The following ROBO1 variants were observed in gnomAD, a reference collection of about 807,000 sequenced individuals.
The protein encoded by ROBO1 is roundabout guidance receptor 1.
ROBO1 carries 149 observed loss-of-function variants against 195.9 expected under a neutral mutation model. That is an observed-to-expected ratio of 0.76 (90% confidence interval 0.67 to 0.87). ROBO1 has a LOEUF of 0.87. Among genes scored for constraint, ROBO1 ranks in the 40% least tolerant of loss-of-function variants. ROBO1 has a pLI of 0.00. For missense variants in ROBO1, 1,933 were observed against 2,068.3 expected, an observed-to-expected ratio of 0.93 and a Z score of 1.27; for synonymous variants, 816 against 733.2, an observed-to-expected ratio of 1.11 and a Z score of -1.82.
At chr3:79,213,152 G>C (rs2081996098) in intron 2 of ROBO1, among the ~76,000 whole-genome samples, 1 of 151,860 alleles carries the variant, frequency 6.6e-6, no homozygotes, top group Non-Finnish European at 1.5e-5. Flanking sequence ...GCTGAGGCAG[G>C]AGGAATCACT....
chr3:79,352,461 C>T (rs1037809860), intron 2 of ROBO1, among the ~76,000 whole-genome samples: 7 of 152,104 alleles, frequency 4.6e-5, no homozygotes, highest in South Asian at 2.1e-4. Context: ...GGCTTAACAC[C>T]GTCAACTAGA....
At chr3:79,646,233 T>TA (rs886753601) in intron 1 of ROBO1, among the ~76,000 whole-genome samples, 21 of 152,036 alleles carry the variant, frequency 1.4e-4, no homozygotes, top group South Asian at 4.2e-4. Flanking sequence ...ATAATTTGAT[T>TA]AAAAAAATGG....
At chr3:79,495,277 A>G (rs948481960) in intron 2 of ROBO1, among the ~76,000 whole-genome samples, 1 of 152,188 alleles carries the variant, frequency 6.6e-6, no homozygotes, top group Non-Finnish European at 1.5e-5. Flanking sequence ...ACAATCACAT[A>G]AAGAGGGGCG....
At chr3:79,018,700 G>A (rs1441327031) in intron 3 of ROBO1, 4 of 1,345,844 alleles carry the variant, frequency 3.0e-6, no homozygotes, top group Non-Finnish European at 3.8e-6. Flanking sequence ...GGATTTCCGA[G>A]GAGGCTCAGA....
At chr3:79,355,430 C>T (rs2035511720) in intron 2 of ROBO1, among the ~76,000 whole-genome samples, 1 of 152,040 alleles carries the variant, frequency 6.6e-6, no homozygotes, top group Admixed American at 6.6e-5. Flanking sequence ...ATTCAAAAAC[C>T]TCTCTTCTAG....
At chr3:79,453,175 G>A (rs2039503305) in intron 2 of ROBO1, among the ~76,000 whole-genome samples, 1 of 152,002 alleles carries the variant, frequency 6.6e-6, no homozygotes, top group African/African-American at 2.4e-5. Flanking sequence ...CAAGACTTCA[G>A]TGAATAGAGG....
At chr3:79,033,951 A>G (rs1335895517) in intron 3 of ROBO1, among the ~76,000 whole-genome samples, 1 of 152,136 alleles carries the variant, frequency 6.6e-6, no homozygotes, top group East Asian at 1.9e-4. Flanking sequence ...AATCAGGAGC[A>G]TAATTTTTCA....
intron 2 of ROBO1, among the ~76,000 whole-genome samples, chr3:79,159,298 G>A (rs2080913384): frequency 6.6e-6 from 1 of 151,876 alleles, no homozygotes; most frequent in Non-Finnish European, 1.5e-5. Flanking sequence ...TTTCCAAAGG[G>A]TAAATTATTA....
intron 2 of ROBO1, among the ~76,000 whole-genome samples, chr3:79,139,406 GA>G (rs1244554288): frequency 2.0e-5 from 3 of 152,184 alleles, no homozygotes; most frequent in South Asian, 2.1e-4. Flanking sequence ...TCTCCTAGTG[GA>G]AACACTGACA....
chr3:78,770,158 C>T (rs1373779655), intron 4 of ROBO1, among the ~76,000 whole-genome samples: 2 of 152,098 alleles, frequency 1.3e-5, no homozygotes, highest in Non-Finnish European at 2.9e-5. Flanking sequence ...CTCGATTATT[C>T]CCCCAAATAT....
chr3:79,067,262 G>T (rs184509112), intron 3 of ROBO1, among the ~76,000 whole-genome samples: 169 of 152,014 alleles, frequency 1.1e-3, no homozygotes, highest in Non-Finnish European at 2.0e-3. Context: ...CTTAATGAGG[G>T]TTAAACTCAT....
chr3:79,174,064 T>C (rs1374600881), intron 2 of ROBO1, among the ~76,000 whole-genome samples: 1 of 152,054 alleles, frequency 6.6e-6, no homozygotes, highest in African/African-American at 2.4e-5. Flanking sequence ...ATCAGCAGGA[T>C]GTGGGTGGTG....
intron 4 of ROBO1, among the ~76,000 whole-genome samples, chr3:78,888,993 T>C (rs1054689408): frequency 6.6e-6 from 1 of 152,210 alleles, no homozygotes; most frequent in Non-Finnish European, 1.5e-5. Context: ...TACAGTTCTC[T>C]TTTAGACAAG....
At chr3:79,477,737 A>G (rs1938618639) in intron 2 of ROBO1, among the ~76,000 whole-genome samples, 1 of 152,192 alleles carries the variant, frequency 6.6e-6, no homozygotes, top group African/African-American at 2.4e-5. Flanking sequence ...AGATCTAAAT[A>G]ACCAGACAAC....
At chr3:79,076,171 A>G (rs1368310017) in intron 3 of ROBO1, among the ~76,000 whole-genome samples, 2 of 149,666 alleles carry the variant, frequency 1.3e-5, no homozygotes, top group Non-Finnish European at 3.0e-5. Context: ...CATGGACTAT[A>G]CATATGTTAA....
At chr3:79,240,311 T>A (rs759896053) in intron 2 of ROBO1, among the ~76,000 whole-genome samples, 8 of 152,322 alleles carry the variant, frequency 5.3e-5, no homozygotes, top group Non-Finnish European at 8.8e-5. Context: ...AGGATTTCCT[T>A]CTTTTTAAAA....
At chr3:79,709,957 A>G (rs954291011) in intron 1 of ROBO1, among the ~76,000 whole-genome samples, 4 of 152,136 alleles carry the variant, frequency 2.6e-5, no homozygotes, top group Non-Finnish European at 4.4e-5. Flanking sequence ...TTGACTTTGG[A>G]CTTCCTAGCC....
chr3:78,828,338 A>G (rs2031824309), intron 4 of ROBO1, among the ~76,000 whole-genome samples: 1 of 152,182 alleles, frequency 6.6e-6, no homozygotes, highest in Admixed American at 6.5e-5. Context: ...GCTCCAGAGA[A>G]TTTCCAATAG....
intron 1 of ROBO1, among the ~76,000 whole-genome samples, chr3:79,651,093 T>C (rs970150386): frequency 6.6e-6 from 1 of 152,062 alleles, no homozygotes; most frequent in African/African-American, 2.4e-5. Context: ...ATAACATGCA[T>C]GTTATTAAAT....
Sources: allele counts gnomAD v4.1 joint callset (sites outside exome capture counted in the v4.1 genomes callset), GRCh38; gene constraint gnomAD v4.1.1; transcripts MANE v1.5; gene names NCBI Gene and HGNC (gene_info 2026-07-23, HGNC 2026-07-21).